The following OTUD3 variants were observed in gnomAD, a reference collection of about 807,000 sequenced individuals.
OTUD3 encodes the protein OTU domain-containing protein 3.
In OTUD3, 24 loss-of-function variants were observed where a neutral mutation model predicts 46.2. The ratio of observed to expected loss-of-function variants is 0.52; its 90% confidence interval spans 0.38 to 0.73. The LOEUF is 0.73. Ranked by LOEUF, OTUD3 falls within the 30% of genes least tolerant of loss-of-function variation. The probability of loss-of-function intolerance (pLI) is 0.00; values close to 1 mark genes in which losing one functional copy is unlikely to be tolerated. For missense variants in OTUD3, 455 were observed against 523.3 expected, an observed-to-expected ratio of 0.87 and a Z score of 1.27; for synonymous variants, 189 against 195.4, an observed-to-expected ratio of 0.97 and a Z score of 0.27.
intron 1 of OTUD3, 32 bp from the exon 2 acceptor site, chr1:19,890,353 A>G: frequency 1.2e-6 from 2 of 1,604,462 alleles, no homozygotes; most frequent in South Asian, 1.1e-5. Flanking sequence ...TTCATTTTTG[A>G]AAGGTCTTGA....
chr1:19,885,436 G>A (rs2045344243), intron 1 of OTUD3, among the ~76,000 whole-genome samples: 1 of 152,146 alleles, frequency 6.6e-6, no homozygotes, highest in Admixed American at 6.5e-5. Flanking sequence ...TGTATGTGAT[G>A]GGTTGGCAGG....
chr1:19,882,397 T>C lies in OTUD3; in HGVS notation c.-117T>C. On this transcript the variant is annotated 5_prime_UTR_variant, in exon 1 of 8. Transcript: ENST00000375120. Reference sequence around the variant, plus strand: ...TGGGCGCCGGCGCAGGCGCGGTTGCTGCGTAGTCGTCGCCGGGCTCCGTTG... The same window carrying C: ...TGGGCGCCGGCGCAGGCGCGGTTGCCGCGTAGTCGTCGCCGGGCTCCGTTG... 3 of 1,301,198 alleles carry C rather than the reference T, an allele frequency of 2.3e-6. No homozygotes were observed. Among genetic ancestry groups the C allele is most frequent in the Non-Finnish European group, 2.9e-6 (3 of 1,027,464 alleles). The allele number at this position is 1,301,198 out of a possible 1,614,324, so 80.6% of individuals were successfully genotyped here. A position where few individuals can be genotyped will look rare whatever the true frequency, so the allele number is the denominator to read the frequency against.
chr1:19,897,497 G>A (rs1327365106), intron 3 of OTUD3, 43 bp from the exon 4 acceptor site: 1 of 1,607,858 alleles, frequency 6.2e-7, no homozygotes, highest in African/African-American at 1.3e-5. Flanking sequence ...GAAGTTGATA[G>A]TGTTCAGATC....
At chr1:19,892,749 C>T (rs910470747) in intron 2 of OTUD3, among the ~76,000 whole-genome samples, 7 of 152,246 alleles carry the variant, frequency 4.6e-5, no homozygotes, top group African/African-American at 1.4e-4. Flanking sequence ...CCATACTGTT[C>T]GGTATCATTG....
chr1:19,901,055 G>T lies in OTUD3; in HGVS notation c.607-3212G>T, dbSNP rs796860834. On this transcript the variant is annotated intron_variant, in intron 4 of 7. Transcript: ENST00000375120. ...CTCCCGAGTAGCTGGGATTACAGGC[G>T]CTCGCCACTACCCTTGGCTAATGTT... 2.0e-5 allele frequency among the ~76,000 whole-genome samples: 3 copies of T among 151,732 alleles called. No homozygotes were observed. In the South Asian group the frequency reaches 6.3e-4, roughly 32 times the overall value.
Position 19,904,938 on chromosome 1 carries a change from T to C in OTUD3, c.786T>C (p.Ile262=). The C allele has an allele frequency of 6.3e-7, 1 of 1,598,664 alleles. No homozygotes were observed. Among genetic ancestry groups the C allele is most frequent in the East Asian group, 2.2e-5 (1 of 44,778 alleles). Residue 262 remains isoleucine, a synonymous_variant, in exon 6 of 8, where the codon ATT becomes ATC. Coordinates refer to ENST00000375120, the MANE Select transcript of OTUD3 (RefSeq NM_015207.2). ...ACCTGGAAGCTGAAAATTATAATATTGAATCTGCAATAATTGCCGTGCTTC... is the reference window on the plus strand; with the variant it reads ...ACCTGGAAGCTGAAAATTATAATATCGAATCTGCAATAATTGCCGTGCTTC... ...VQNLEAENYN[I]ESAIIAVLRM...
chr1:19,883,775 C>T (rs2045313798), intron 1 of OTUD3, among the ~76,000 whole-genome samples: 1 of 152,164 alleles, frequency 6.6e-6, no homozygotes, highest in Non-Finnish European at 1.5e-5. Context: ...GCTACCACCC[C>T]CGGCCAGGAA....
chr1:19,882,440 TC>T lies in OTUD3; in HGVS notation c.-71del. On this transcript the variant is annotated 5_prime_UTR_variant, in exon 1 of 8. Coordinates refer to ENST00000375120, the MANE Select transcript of OTUD3 (RefSeq NM_015207.2). The stretch of plus-strand genomic sequence containing the variant: ...CTCCGTTGCCCGCGCTGTTTTACCT[TC>T]CCAACGCTTGAGGCGGACGCTGGGG... The T allele has an allele frequency of 7.6e-7, 1 of 1,314,004 alleles. No individual in the cohort carries two copies. The highest frequency in any genetic ancestry group is 9.6e-7 in the Non-Finnish European group (1 of 1,037,626). The allele number at this position is 1,314,004 out of a possible 1,614,324, so 81.4% of individuals were successfully genotyped here.
intron 3 of OTUD3, among the ~76,000 whole-genome samples, chr1:19,895,838 A>G (rs191358805): frequency 1.6e-4 from 25 of 152,362 alleles, no homozygotes; most frequent in African/African-American, 5.8e-4. Flanking sequence ...TCATTTGAAT[A>G]CACAGCATAA....
At chr1:19,904,862 G>GT (rs781128301) in intron 5 of OTUD3, 29 bp from the exon 6 acceptor site, 71 of 1,157,418 alleles carry the variant, frequency 6.1e-5, no homozygotes, top group East Asian at 7.0e-5. Context: ...TTTTGAAGTG[G>GT]TTTTTTTGTT....
chr1:19,897,877 G>T, intron 4 of OTUD3: 1 of 419,250 alleles, frequency 2.4e-6, no homozygotes, highest in Non-Finnish European at 4.2e-6. Context: ...ATAGTTGATA[G>T]TTACAATTGT....
chr1:19,885,570 C>T (rs941970979), intron 1 of OTUD3, among the ~76,000 whole-genome samples: 2 of 152,190 alleles, frequency 1.3e-5, no homozygotes, highest in African/African-American at 4.8e-5. Context: ...TCTCTTGCCT[C>T]AGCCTCCTGA....
At chr1:19,887,723 T>G (rs144902536) in intron 1 of OTUD3, among the ~76,000 whole-genome samples, 12 of 152,336 alleles carry the variant, frequency 7.9e-5, no homozygotes, top group African/African-American at 2.4e-4. Context: ...CCCCTGAGCC[T>G]TCTTTAGGCC....
intron 4 of OTUD3, among the ~76,000 whole-genome samples, chr1:19,903,224 AT>A (rs1416046418): frequency 6.7e-6 from 1 of 150,096 alleles, no homozygotes; most frequent in African/African-American, 2.5e-5. Flanking sequence ...ATTCTTTTGT[AT>A]TTTTTTTGTA....
chr1:19,907,766 T>C lies in OTUD3; in HGVS notation c.*20T>C, dbSNP rs761853625. ...ATCTGACTCTTTGGCCTCTTGGGAG[T>C]TGTAAGAAGCGGCTGGAAAAGGATT... is the stretch of plus-strand genomic sequence containing the variant. On this transcript the variant is annotated 3_prime_UTR_variant, in exon 8 of 8. Transcript: ENST00000375120. 1.2e-6 allele frequency: 2 copies of C among 1,610,428 alleles called. No homozygotes were observed. Among genetic ancestry groups the C allele is most frequent in the South Asian group, 2.2e-5 (2 of 90,960 alleles).
Position 19,910,558 on chromosome 1 carries a change from TAATG to T in OTUD3, c.*2815_*2818del, listed in dbSNP as rs771754338. ...ATGTGTGTATTTAGTTTTTCAATAATAATGAACATACACTTTCAGGAGCAAAGTA... is the reference window on the plus strand; with the variant it reads ...ATGTGTGTATTTAGTTTTTCAATAATAACATACACTTTCAGGAGCAAAGTA... On this transcript the variant is annotated 3_prime_UTR_variant, in exon 8 of 8. Coordinates refer to ENST00000375120, the MANE Select transcript of OTUD3 (RefSeq NM_015207.2). 1.4e-4 allele frequency: 21 copies of T among 152,372 alleles called. No homozygotes were observed. Among genetic ancestry groups the T allele is most frequent in the Non-Finnish European group, 1.9e-4 (13 of 68,028 alleles). The allele number at this position is 152,372 out of a possible 1,614,324, so 9.4% of individuals were successfully genotyped here.
chr1:19,882,595 G>T lies in OTUD3; in HGVS notation c.82G>T (p.Ala28Ser). Reference protein sequence around the residue: ...AEAERKRDERAARRALAKERR... With the variant: ...AEAERKRDERSARRALAKERR... The stretch of plus-strand genomic sequence containing the variant: ...GGCCGAGCGCAAGCGGGACGAGCGG[G>T]CGGCGCGCCGGGCCCTGGCCAAGGA... Residue 28 changes from alanine to serine, a missense_variant, in exon 1 of 8, where the codon GCG (alanine) becomes TCG (serine). Coordinates refer to ENST00000375120, the MANE Select transcript of OTUD3 (RefSeq NM_015207.2). 1 of 1,423,088 alleles carries T rather than the reference G, an allele frequency of 7.0e-7. No homozygotes were observed. Among genetic ancestry groups the T allele is most frequent in the Non-Finnish European group, 9.2e-7 (1 of 1,092,340 alleles). The allele number at this position is 1,423,088 out of a possible 1,614,324, so 88.2% of individuals were successfully genotyped here.
intron 3 of OTUD3, 130 bp from the exon 4 acceptor site, chr1:19,897,410 C>A: frequency 1.3e-6 from 1 of 791,876 alleles, no homozygotes. Context: ...TGACATATCC[C>A]AGGTGTGTTC....
chr1:19,882,746 C>T lies in OTUD3; in HGVS notation c.221+12C>T. 1 of 1,315,942 alleles carries T rather than the reference C, an allele frequency of 7.6e-7. No homozygotes were observed. Among genetic ancestry groups the T allele is most frequent in the Non-Finnish European group, 9.7e-7 (1 of 1,034,106 alleles). 81.5% of individuals were successfully genotyped at this position (1,315,942 alleles called of 1,614,324 possible). ...GTGCCGGGGGACGGGTGAGGCGGGC[C>T]GGGAGCGAGGGAGGCGGCGCCGGGG... On this transcript the variant is annotated intron_variant, in intron 1 of 7. Coordinates refer to ENST00000375120, the MANE Select transcript of OTUD3 (RefSeq NM_015207.2).
Sources: allele counts gnomAD v4.1 joint callset (sites outside exome capture counted in the v4.1 genomes callset), GRCh38; gene constraint gnomAD v4.1.1; transcripts MANE v1.5; gene names NCBI Gene and HGNC (gene_info 2026-07-23, HGNC 2026-07-21).